ADGRA3: variants seen among roughly 807,000 people sequenced by gnomAD.
ADGRA3 encodes the protein G-protein coupled receptor 125.
In ADGRA3, 56 loss-of-function variants were observed where a neutral mutation model predicts 119.8. The observed-to-expected ratio is 0.47, with a 90% confidence interval of 0.38 to 0.58. The LOEUF (loss-of-function observed/expected upper bound fraction) is 0.58, where lower values mean the gene tolerates loss of function less well. Ranked by LOEUF, ADGRA3 falls within the 20% of genes least tolerant of loss-of-function variation. The pLI is 0.00. For missense variants in ADGRA3, 1,516 were observed against 1,649.0 expected, an observed-to-expected ratio of 0.92 and a Z score of 1.40; for synonymous variants, 607 against 623.8, an observed-to-expected ratio of 0.97 and a Z score of 0.40.
intron 14 of ADGRA3, among the ~76,000 whole-genome samples, chr4:22,407,173 A>G (rs1342539909): frequency 2.0e-5 from 3 of 152,206 alleles, no homozygotes; most frequent in Non-Finnish European, 4.4e-5. Context: ...CAGGAGGCTG[A>G]GGCAGAAGAA....
chr4:22,389,325 G>A, intron 17 of ADGRA3, 142 bp from the exon 18 acceptor site: 2 of 654,024 alleles, frequency 3.1e-6, no homozygotes, highest in Admixed American at 2.8e-5. Flanking sequence ...AGTTAAGTTG[G>A]GAGGCTGATT....
chr4:22,493,733 G>C (rs1718709975), intron 1 of ADGRA3, among the ~76,000 whole-genome samples: 1 of 152,178 alleles, frequency 6.6e-6, no homozygotes. Flanking sequence ...ATCTTGAATA[G>C]GAGCTAGGCA....
At chr4:22,429,025 GATCATGTAATA>G (rs940011970) in intron 10 of ADGRA3, among the ~76,000 whole-genome samples, 108 of 152,210 alleles carry the variant, frequency 7.1e-4, no homozygotes, top group African/African-American at 2.6e-3. Context: ...GGAGTTCTCA[GATCATGTAATA>G]ATCATAATTC....
At chr4:22,402,879 C>A in intron 14 of ADGRA3, 80 bp from the exon 15 acceptor site, 1 of 1,372,968 alleles carries the variant, frequency 7.3e-7, no homozygotes, top group Admixed American at 2.3e-5. Context: ...GTGACGAAAA[C>A]ACATCAATAA....
At chr4:22,418,558 C>T (rs1311060746) in intron 12 of ADGRA3, among the ~76,000 whole-genome samples, 1 of 152,018 alleles carries the variant, frequency 6.6e-6, no homozygotes, top group South Asian at 2.1e-4. Flanking sequence ...GGAAAGTTTG[C>T]TGTTGCTGGA....
chr4:22,449,194 C>T (rs887927523), intron 4 of ADGRA3, among the ~76,000 whole-genome samples: 1 of 151,524 alleles, frequency 6.6e-6, no homozygotes, highest in Non-Finnish European at 1.5e-5. Flanking sequence ...GACTTGAACC[C>T]GGAAGGCAGA....
At chr4:22,450,949 A>AT (rs1168085129) in intron 4 of ADGRA3, among the ~76,000 whole-genome samples, 6,538 of 132,700 alleles carry the variant, frequency 0.049, 145 homozygotes, top group Non-Finnish European at 0.07. Context: ...AAAAAAAAAA[A>AT]AAATATATAT....
chr4:22,473,595 G>A (rs560664449), intron 2 of ADGRA3, among the ~76,000 whole-genome samples, 177 bp downstream of exon 2: 110 of 152,260 alleles, frequency 7.2e-4, no homozygotes, highest in African/African-American at 2.6e-3. Context: ...GCCCTTTACA[G>A]AATTTAGTTA....
chr4:22,401,195 TGTA>T (rs1714622696), intron 16 of ADGRA3, among the ~76,000 whole-genome samples: 1 of 152,198 alleles, frequency 6.6e-6, no homozygotes, highest in African/African-American at 2.4e-5. Flanking sequence ...AGCCATAACG[TGTA>T]ACACTAAATT....
intron 1 of ADGRA3, among the ~76,000 whole-genome samples, chr4:22,497,546 C>T (rs928543272): frequency 1.1e-4 from 16 of 152,016 alleles, no homozygotes; most frequent in Admixed American, 2.0e-4. Flanking sequence ...CCAGTGAGGC[C>T]GGGCACGGTG....
intron 1 of ADGRA3, among the ~76,000 whole-genome samples, chr4:22,513,861 A>AC (rs1365325256): frequency 0.026 from 3,876 of 147,988 alleles, 176 homozygotes; most frequent in South Asian, 0.055. Flanking sequence ...AAAAAAAAAA[A>AC]AAAAAAAAAA....
chr4:22,449,283 A>AT (rs61505956), intron 4 of ADGRA3, among the ~76,000 whole-genome samples: 5 of 151,878 alleles, frequency 3.3e-5, no homozygotes, highest in East Asian at 3.9e-4. Flanking sequence ...AAAAAAAAAA[A>AT]TTTTTTTTAA....
At chr4:22,506,512 CA>C (rs1719245666) in intron 1 of ADGRA3, among the ~76,000 whole-genome samples, 1 of 152,152 alleles carries the variant, frequency 6.6e-6, no homozygotes, top group East Asian at 1.9e-4. Context: ...AAGATCGCAC[CA>C]CTGCACTCCA....
At chr4:22,444,682 G>A (rs575996153) in intron 6 of ADGRA3, among the ~76,000 whole-genome samples, 24 of 151,940 alleles carry the variant, frequency 1.6e-4, no homozygotes, top group Non-Finnish European at 3.1e-4. Context: ...ACAAATTCAC[G>A]AGTTGCCAAC....
chr4:22,405,138 C>T (rs1367931193), intron 14 of ADGRA3, among the ~76,000 whole-genome samples: 2 of 152,102 alleles, frequency 1.3e-5, no homozygotes, highest in African/African-American at 4.8e-5. Context: ...TAGCCCTTGG[C>T]AGAAAGTAAC....
rs185947063 is a variant in ADGRA3 at position 22,473,315 on chromosome 4, G to A, written c.329+457C>T. Reference sequence around the variant, plus strand: ...ATTTCTCTATAGCAATGCAAGAATGGCCTAACATGGCATACATATTTCAGG... The same window carrying A: ...ATTTCTCTATAGCAATGCAAGAATGACCTAACATGGCATACATATTTCAGG... On this transcript the variant is annotated intron_variant, in intron 2 of 18. Transcript: ENST00000334304. 2.3e-3 allele frequency: 351 copies of A among 153,234 alleles called. 2 individuals carry two copies. The highest frequency in any genetic ancestry group is 3.8e-3 in the Non-Finnish European group (264 of 68,774). The allele number at this position is 153,234 out of a possible 1,614,324, so 9.5% of individuals were successfully genotyped here.
chr4:22,424,148 A>C (rs1715830220), intron 11 of ADGRA3, 43 bp downstream of exon 11: 1 of 1,555,490 alleles, frequency 6.4e-7, no homozygotes, highest in South Asian at 1.2e-5. Context: ...GCTGTGTGAA[A>C]TGCACTTTTT....
intron 6 of ADGRA3, chr4:22,443,069 C>T (rs10018144): frequency 0.99 from 677,046 of 681,688 alleles, 336,341 homozygotes; most frequent in Non-Finnish European, 1. Context: ...AATTTCATAA[C>T]CAGTTCTGAC....
At chr4:22,457,461 T>A (rs772403346) in intron 3 of ADGRA3, among the ~76,000 whole-genome samples, 1 of 152,200 alleles carries the variant, frequency 6.6e-6, no homozygotes, top group Non-Finnish European at 1.5e-5. Flanking sequence ...ATACAGGACT[T>A]CTTCAGCTTG....
Sources: gnomAD v4.1 joint callset for allele counts (sites outside exome capture counted in the v4.1 genomes callset) on GRCh38, gnomAD v4.1.1 for gene constraint, MANE v1.5 for transcripts, NCBI Gene and HGNC (gene_info 2026-07-23, HGNC 2026-07-21) for gene names.